UNC13C: variants seen among roughly 807,000 people sequenced by gnomAD.
UNC13C encodes protein unc-13 homolog C.
In UNC13C, 174 loss-of-function variants were observed where a neutral mutation model predicts 245.4. The observed-to-expected ratio is 0.71, with a 90% CI of 0.63 to 0.80. The LOEUF (loss-of-function observed/expected upper bound fraction) is 0.80, where lower values mean the gene tolerates loss of function less well. UNC13C is among the 30% of genes least tolerant of loss of function. UNC13C has a pLI of 0.00. For synonymous variants in UNC13C, 992 were observed against 895.1 expected, an observed-to-expected ratio of 1.11 and a Z score of -1.93; for missense variants, 2,829 against 2,602.9, an observed-to-expected ratio of 1.09 and a Z score of -1.89.
At chr15:54,469,998 T>G (rs2899540) in intron 19 of UNC13C, among the ~76,000 whole-genome samples, 62,486 of 151,332 alleles carry the variant, frequency 0.41, 13,186 homozygotes, top group East Asian at 0.63. Context: ...AAATGCTTTA[T>G]CTGACTCTTT....
At chr15:53,976,443 T>A (rs568327749), upstream of UNC13C, among the ~76,000 whole-genome samples, 2 of 145,788 alleles carry the variant, frequency 1.4e-5, no homozygotes. Flanking sequence ...ATACATGGTG[T>A]TTTTTTTTCT....
chr15:54,186,835 TAA>T lies in UNC13C; in HGVS notation c.3071+43152_3071+43153del, dbSNP rs1491217597. 5.1e-5 allele frequency among the ~76,000 whole-genome samples: 5 copies of T among 98,366 alleles called. 1 individual carries two copies. The highest frequency in any genetic ancestry group is 1.2e-4 in the Non-Finnish European group (5 of 42,226). 64.5% of individuals were successfully genotyped at this position (98,366 alleles called of 152,430 possible). On this transcript the variant is annotated intron_variant, in intron 4 of 32. Transcript: ENST00000260323. ...TGTCCACTGACACATACAAAGAACA[TAA>T]TATATATGTATATATATATTTTGTT...
chr15:54,101,902 C>A (rs1395797965), intron 2 of UNC13C, among the ~76,000 whole-genome samples: 1 of 151,764 alleles, frequency 6.6e-6, no homozygotes, highest in African/African-American at 2.4e-5. Flanking sequence ...CATTCTTATA[C>A]TTGGGTAACC....
At chr15:54,245,869 A>G (rs1401925817) in intron 7 of UNC13C, among the ~76,000 whole-genome samples, 1 of 152,142 alleles carries the variant, frequency 6.6e-6, no homozygotes, top group East Asian at 1.9e-4. Flanking sequence ...TGTGGCTTAC[A>G]TAATATCACA....
At chr15:54,575,365 T>C (rs758674699) in intron 30 of UNC13C, among the ~76,000 whole-genome samples, 10 of 152,182 alleles carry the variant, frequency 6.6e-5, no homozygotes, top group Non-Finnish European at 1.0e-4. Context: ...GTGTAAAATT[T>C]GGAAGCATCT....
intron 2 of UNC13C, among the ~76,000 whole-genome samples, chr15:54,132,074 C>CTTTTTTTTTCTTTTTCTTTTCCTTTTT (rs6145565): frequency 9.0e-6 from 1 of 110,646 alleles, no homozygotes; most frequent in Non-Finnish European, 2.0e-5. Flanking sequence ...TTTTCTTTTT[C>CTTTTTTTTTCTTTTTCTTTTCCTTTTT]TTTTTTTTTT....
the UNC13C span, among the ~76,000 whole-genome samples, chr15:53,950,282 A>ATCT: frequency 6.6e-6 from 1 of 152,202 alleles, no homozygotes; most frequent in Non-Finnish European, 1.5e-5. Flanking sequence ...TAATAGTCCC[A>ATCT]TCTTATAGAC....
At chr15:54,274,013 C>T (rs2036763136) in intron 10 of UNC13C, among the ~76,000 whole-genome samples, 1 of 152,138 alleles carries the variant, frequency 6.6e-6, no homozygotes, top group South Asian at 2.1e-4. Context: ...GTGTGAGGTA[C>T]TCTCCACAGT....
intron 2 of UNC13C, among the ~76,000 whole-genome samples, chr15:54,106,045 C>T (rs1567018282): frequency 6.6e-6 from 1 of 152,172 alleles, no homozygotes; most frequent in Non-Finnish European, 1.5e-5. Context: ...CCAATGAGTG[C>T]TGGAGTCTTC....
At chr15:54,586,640 C>G (rs906915118) in intron 30 of UNC13C, among the ~76,000 whole-genome samples, 5 of 152,208 alleles carry the variant, frequency 3.3e-5, no homozygotes, top group African/African-American at 1.2e-4. Context: ...AAAATTCAGT[C>G]CATAACAAAG....
At chr15:53,977,721 G>T (rs1001797071), upstream of UNC13C, among the ~76,000 whole-genome samples, 1 of 152,012 alleles carries the variant, frequency 6.6e-6, no homozygotes, top group Non-Finnish European at 1.5e-5. Flanking sequence ...ATGGAAAGTG[G>T]GAACTGTTAC....
intron 30 of UNC13C, among the ~76,000 whole-genome samples, chr15:54,597,133 G>C (rs921927562): frequency 1.3e-5 from 2 of 152,144 alleles, no homozygotes; most frequent in African/African-American, 4.8e-5. Context: ...TCACAATAGG[G>C]TTCATGTTCC....
rs371199628 is a variant in UNC13C, at chr15:54,143,019, T to C, written c.2985T>C (p.Asp995=). ...AELEEKILAG[D]SSSVDEKARI... is the part of the protein sequence containing the mutation. ...CTTCTTTTCCTGATTCTCTTTCAGA[T>C]AGCAGTTCTGTGGATGAAAAGGTTT... is the stretch of plus-strand genomic sequence containing the variant. Residue 995 remains aspartate, a splice_region_variant and synonymous_variant, in exon 3 of 33, where the codon GAT becomes GAC. Transcript: ENST00000260323. The C allele has an allele frequency of 1.2e-6, 2 of 1,611,966 alleles. No individual in the cohort carries two copies. Among genetic ancestry groups the C allele is most frequent in the South Asian group, 1.1e-5 (1 of 91,048 alleles).
intron 8 of UNC13C, among the ~76,000 whole-genome samples, chr15:54,251,469 C>T (rs1247289087): frequency 6.6e-6 from 1 of 152,134 alleles, no homozygotes; most frequent in African/African-American, 2.4e-5. Flanking sequence ...CCTTTCCATC[C>T]TTTCACACTC....
chr15:54,496,475 T>C (rs1468779378), intron 20 of UNC13C, among the ~76,000 whole-genome samples: 1 of 152,090 alleles, frequency 6.6e-6, no homozygotes. Context: ...AGAAGTCATA[T>C]ACAAAAAAGA....
chr15:53,844,405 G>C, the UNC13C span, among the ~76,000 whole-genome samples: 1 of 152,100 alleles, frequency 6.6e-6, no homozygotes, highest in African/African-American at 2.4e-5. Context: ...GCTCAGTTTT[G>C]TTGAAACAAA....
chr15:54,329,413 TTTA>T (rs1182269798), intron 14 of UNC13C, among the ~76,000 whole-genome samples: 2 of 151,940 alleles, frequency 1.3e-5, no homozygotes, highest in African/African-American at 2.4e-5. Context: ...TATTATAGTA[TTTA>T]TTATTATTTT....
chr15:54,549,391 A>G (rs1023230173), intron 27 of UNC13C, among the ~76,000 whole-genome samples: 2 of 152,228 alleles, frequency 1.3e-5, no homozygotes, highest in African/African-American at 4.8e-5. Flanking sequence ...CTACATTAGT[A>G]GCAACCTAGT....
chr15:54,152,310 T>C (rs1457489577), intron 4 of UNC13C, among the ~76,000 whole-genome samples: 1 of 152,128 alleles, frequency 6.6e-6, no homozygotes, highest in East Asian at 1.9e-4. Flanking sequence ...AAAAATGAAA[T>C]TGCTAGTTAA....
Sources: allele counts gnomAD v4.1 joint callset (sites outside exome capture counted in the v4.1 genomes callset), GRCh38; gene constraint gnomAD v4.1.1; transcripts MANE v1.5; gene names NCBI Gene and HGNC (gene_info 2026-07-23, HGNC 2026-07-21).